The following COL22A1 variants were observed in gnomAD, a reference collection of about 807,000 sequenced individuals.
COL22A1 encodes collagen alpha-1(XXII) chain.
Under a neutral mutation model 248.9 loss-of-function variants are expected in COL22A1, and 221 were observed. The ratio of observed to expected loss-of-function variants is 0.89; its 90% CI spans 0.80 to 0.99. COL22A1 has a LOEUF of 0.99. Ranked by LOEUF, COL22A1 falls within the 50% of genes least tolerant of loss-of-function variation. The pLI is 0.00. For synonymous variants in COL22A1, 891 were observed against 793.4 expected, an observed-to-expected ratio of 1.12 and a Z score of -2.07; for missense variants, 2,240 against 2,179.0, an observed-to-expected ratio of 1.03 and a Z score of -0.56.
intron 41 of COL22A1, among the ~76,000 whole-genome samples, chr8:138,675,059 G>A (rs1009906081): frequency 6.6e-6 from 1 of 152,142 alleles, no homozygotes; most frequent in African/African-American, 2.4e-5. Flanking sequence ...CATTCCACAC[G>A]CCTCCTTCCA....
chr8:138,632,531 G>T (rs915946976), intron 49 of COL22A1, among the ~76,000 whole-genome samples: 13 of 152,164 alleles, frequency 8.5e-5, no homozygotes, highest in African/African-American at 3.1e-4. Flanking sequence ...GTACTCTATT[G>T]ATGTCTTTCC....
At position 138,883,076 on chromosome 8, in the gene COL22A1, C is replaced by A; in HGVS notation, c.91+6G>T. 6.4e-7 allele frequency: 1 copy of A among 1,573,876 alleles called. No individual in the cohort carries two copies. Among genetic ancestry groups the A allele is most frequent in the Non-Finnish European group, 8.6e-7 (1 of 1,161,958 alleles). ...CACAGCATGGCACAGCCCACGGTGG[C>A]CCCACCTGCCCGCTGAGCCTGGCAG... is the stretch of plus-strand genomic sequence containing the variant. On this transcript the variant is annotated splice_donor_region_variant and intron_variant, in intron 2 of 64. Coordinates refer to ENST00000303045, the MANE Select transcript of COL22A1 (RefSeq NM_152888.3).
chr8:138,613,065 A>G (rs755958503), intron 56 of COL22A1, among the ~76,000 whole-genome samples: 2 of 151,372 alleles, frequency 1.3e-5, no homozygotes, highest in African/African-American at 2.4e-5. Flanking sequence ...TGGCTAACAC[A>G]GTGAAACCCC....
At chr8:138,807,868 T>G in intron 9 of COL22A1, 56 bp from the exon 10 acceptor site, 1 of 1,563,650 alleles carries the variant, frequency 6.4e-7, no homozygotes, top group East Asian at 2.2e-5. Flanking sequence ...TCCCTTTCTC[T>G]CAACACTGGA....
Position 138,662,097 on chromosome 8 carries a change from AAAG to A in COL22A1, c.3187-17_3187-15del, listed in dbSNP as rs1175747084. On this transcript the variant is annotated splice_polypyrimidine_tract_variant and intron_variant, in intron 42 of 64. Transcript: ENST00000303045. ...GCCTCGTGATCCCTGAAGAAAAAGA[AAAG>A]AAGACACTGACACCCTACAATATTT... 10 of 1,610,710 alleles carry A rather than the reference AAAG, an allele frequency of 6.2e-6. No individual in the cohort carries two copies. In the South Asian group the frequency reaches 1.1e-4, roughly 18 times the overall value.
At chr8:138,782,957 C>T (rs1483259127) in intron 12 of COL22A1, among the ~76,000 whole-genome samples, 1 of 152,178 alleles carries the variant, frequency 6.6e-6, no homozygotes, top group African/African-American at 2.4e-5. Context: ...GACAATTCAA[C>T]AGCAGAGACA....
At chr8:138,804,945 GCA>G (rs1188921691) in intron 10 of COL22A1, among the ~76,000 whole-genome samples, 1 of 144,760 alleles carries the variant, frequency 6.9e-6, no homozygotes, top group East Asian at 2.0e-4. Flanking sequence ...GTGTGATGGT[GCA>G]TGTGTGTGAT....
At position 138,606,362 on chromosome 8, in the gene COL22A1, A is replaced by T; in HGVS notation, c.4104+19T>A. The T allele has an allele frequency of 6.2e-7, 1 of 1,607,174 alleles. No homozygotes were observed. The highest frequency in any genetic ancestry group is 8.5e-7 in the Non-Finnish European group (1 of 1,176,668). On this transcript the variant is annotated intron_variant, in intron 58 of 64. Coordinates refer to ENST00000303045, the MANE Select transcript of COL22A1 (RefSeq NM_152888.3). ...CCTGGAGCCAGGTATCTTGGGCCCC[A>T]CTGGGGTTCTCTGCTTACCGGAGGC... is the stretch of plus-strand genomic sequence containing the variant.
intron 16 of COL22A1, among the ~76,000 whole-genome samples, chr8:138,765,543 G>A (rs973614530): frequency 6.6e-6 from 1 of 152,260 alleles, no homozygotes; most frequent in African/African-American, 2.4e-5. Flanking sequence ...ATCCGGGCCT[G>A]AGTGACTCAG....
chr8:138,819,578 C>G (rs1271199605), intron 7 of COL22A1, among the ~76,000 whole-genome samples: 1 of 147,486 alleles, frequency 6.8e-6, no homozygotes, highest in Admixed American at 6.8e-5. Context: ...TTATATGTAT[C>G]TATATATAAT....
At chr8:138,701,528 A>G (rs9650563) in intron 31 of COL22A1, among the ~76,000 whole-genome samples, 150,420 of 152,360 alleles carry the variant, frequency 0.99, 74,282 homozygotes, top group East Asian at 1. Flanking sequence ...ATTTTTAACT[A>G]TTTCCTATAT....
At position 138,751,465 on chromosome 8, in the gene COL22A1, C is replaced by A. The variant is rs756952149; in HGVS notation, c.2078G>T (p.Gly693Val). 1 of 1,610,798 alleles carries A rather than the reference C, an allele frequency of 6.2e-7. No homozygotes were observed. Among genetic ancestry groups the A allele is most frequent in the Non-Finnish European group, 8.5e-7 (1 of 1,178,288 alleles). ...EGRDGPPGLQ[G>V]LRGKKGDMGP... is the part of the protein sequence containing the mutation. The stretch of plus-strand genomic sequence containing the variant: ...AAAAGAGAGTTTACTTACTCGGAGA[C>A]CTTGCAAACCAGGAGGTCCATCCCT... Residue 693 changes from glycine to valine, a missense_variant, in exon 22 of 65, where the codon GGT (glycine) becomes GTT (valine). By Grantham distance (109) the Gly-to-Val change is moderately radical (BLOSUM62 -3). Coordinates refer to ENST00000303045, the MANE Select transcript of COL22A1 (RefSeq NM_152888.3).
intron 16 of COL22A1, among the ~76,000 whole-genome samples, chr8:138,763,922 G>A (rs1261613595): frequency 2.0e-5 from 3 of 152,192 alleles, no homozygotes; most frequent in Admixed American, 2.0e-4. Flanking sequence ...ACGAGGACAG[G>A]AGGTGCGTTC....
intron 23 of COL22A1, among the ~76,000 whole-genome samples, chr8:138,730,008 A>T (rs1830592831): frequency 6.6e-6 from 1 of 152,188 alleles, no homozygotes; most frequent in South Asian, 2.1e-4. Context: ...CCTGGACGTG[A>T]GGGCCTTTCA....
intron 4 of COL22A1, among the ~76,000 whole-genome samples, chr8:138,839,996 T>A (rs1408761957): frequency 1.3e-5 from 2 of 152,164 alleles, no homozygotes; most frequent in Non-Finnish European, 2.9e-5. Context: ...CAGGGCCATC[T>A]AAGACCTATG....
chr8:138,818,533 T>C (rs1289482283), intron 7 of COL22A1, among the ~76,000 whole-genome samples: 2 of 152,190 alleles, frequency 1.3e-5, no homozygotes, highest in South Asian at 2.1e-4. Context: ...GGTTTGCAAA[T>C]GGACCTGGAA....
intron 3 of COL22A1, among the ~76,000 whole-genome samples, chr8:138,866,446 A>T (rs1285574796): frequency 6.6e-6 from 1 of 152,196 alleles, no homozygotes; most frequent in Non-Finnish European, 1.5e-5. Context: ...CAACTATCTT[A>T]TAGAGATTGT....
At chr8:138,683,754 T>A (rs765337854) in intron 39 of COL22A1, among the ~76,000 whole-genome samples, 1 of 152,160 alleles carries the variant, frequency 6.6e-6, no homozygotes, top group Admixed American at 6.5e-5. Flanking sequence ...CCCATAGACC[T>A]AGTGTCCATG....
chr8:138,638,811 A>C (rs1821418725), intron 47 of COL22A1, among the ~76,000 whole-genome samples: 1 of 152,228 alleles, frequency 6.6e-6, no homozygotes, highest in African/African-American at 2.4e-5. Context: ...AATTGCCTTA[A>C]AAGTAAATGG....
Sources: gnomAD v4.1 joint callset for allele counts (sites outside exome capture counted in the v4.1 genomes callset) on GRCh38, gnomAD v4.1.1 for gene constraint, MANE v1.5 for transcripts, NCBI Gene and HGNC (gene_info 2026-07-23, HGNC 2026-07-21) for gene names.